Variants in PMS2 observed in about 807,000 individuals in gnomAD.
The protein encoded by PMS2 is mismatch repair endonuclease PMS2.
In PMS2, 69 loss-of-function variants were observed where a neutral mutation model predicts 90.0. That is an observed-to-expected ratio of 0.77 (90% CI 0.63 to 0.94). PMS2 has a LOEUF of 0.94. PMS2 is among the 40% of genes least tolerant of loss of function. The pLI is 0.00. For synonymous variants in PMS2, 332 were observed against 375.1 expected (o/e 0.89, Z 1.33); for missense variants, 966 against 1,040.2 (o/e 0.93, Z 0.98).
chr7:5,979,220 A>AAAC (rs1782067738), intron 12 of PMS2, among the ~76,000 whole-genome samples: 1 of 136,738 alleles, frequency 7.3e-6, no homozygotes, highest in South Asian at 2.4e-4. Context: ...AAAAAAAAAA[A>AAAC]AAACACCCAT....
At position 5,979,759 on chromosome 7, in the gene PMS2, G is replaced by C. The variant is rs945195965; in HGVS notation, c.2175-1063C>G. On this transcript the variant is annotated intron_variant, in intron 12 of 14. Transcript: ENST00000265849. The stretch of plus-strand genomic sequence containing the variant: ...TGCTCTCAAACTCCTGGGCTCAAGC[G>C]ATCCTTCCACTTCAGCCTCCCAAAG... Among the ~76,000 whole-genome samples the C allele has an allele frequency of 1.3e-3, 173 of 130,832 alleles. 7 individuals are homozygous for C. Among genetic ancestry groups the C allele is most frequent in the Middle Eastern group, 3.5e-3 (1 of 284 alleles). The allele number at this position is 130,832 out of a possible 152,430, so 85.8% of individuals were successfully genotyped here.
intron 8 of PMS2, among the ~76,000 whole-genome samples, chr7:5,992,915 A>G (rs1783927996): frequency 6.6e-6 from 1 of 152,248 alleles, no homozygotes; most frequent in Middle Eastern, 3.2e-3. Context: ...TATTCAATGT[A>G]CATAGAAAAG....
At position 5,989,821 on chromosome 7, in the gene PMS2, G is replaced by C. The variant is rs956005905; in HGVS notation, c.1123C>G (p.Gln375Glu). 1.2e-6 allele frequency: 2 copies of C among 1,612,906 alleles called. No homozygotes were observed. Among genetic ancestry groups the C allele is most frequent in the Non-Finnish European group, 1.7e-6 (2 of 1,179,122 alleles). ...SDVNKLNVSQ[Q>E]PLLDVEGNLI... is the part of the protein sequence containing the mutation. ...TTACCTTCAACATCCAGCAGTGGCTGCTGACTGACATTTAGCTTGTTGACA... is the reference window on the plus strand; with the variant it reads ...TTACCTTCAACATCCAGCAGTGGCTCCTGACTGACATTTAGCTTGTTGACA... The change falls in exon 10 of 15, where the codon CAG becomes GAG. Residue 375 changes from glutamine (Q) to glutamate (E), a missense_variant. Gln to Glu is a conservative substitution (Grantham distance 29). Around this residue, in one of 2 missense-constraint regions of PMS2, gnomAD observed 871 missense variants for 802.4 expected, o/e 1.09. Coordinates refer to ENST00000265849, the MANE Select transcript of PMS2 (RefSeq NM_000535.7).
Position 6,002,481 on chromosome 7 carries a change from T to A in PMS2, c.509A>T (p.His170Leu), listed in dbSNP as rs1583402418. Residue 170 changes from histidine to leucine, a missense_variant, in exon 5 of 15, where the codon CAT becomes CTT. Transcript: ENST00000265849. ...QQLFSTLPVR[H>L]KEFQRNIKKE... ...CTTAATATTCCTTTGAAATTCCTTA[T>A]GGCGCACAGGTAGTGTGGAAAATAA... 2.5e-6 allele frequency: 4 copies of A among 1,611,382 alleles called. No individual in the cohort carries two copies. The highest frequency in any genetic ancestry group is 3.4e-6 in the Non-Finnish European group (4 of 1,179,442).
intron 11 of PMS2, among the ~76,000 whole-genome samples, chr7:5,984,166 C>T (rs539134621): frequency 1.4e-4 from 22 of 151,894 alleles, no homozygotes; most frequent in Admixed American, 5.2e-4. Context: ...TACTTCTTGA[C>T]GGGAAATCTG....
rs577728335 is a variant in PMS2 at position 5,993,303 on chromosome 7, A to G, written c.904-1246T>C. Among the ~76,000 whole-genome samples the G allele has an allele frequency of 1.4e-5, 2 of 142,146 alleles. 1 individual carries two copies. Among genetic ancestry groups the G allele is most frequent in the African/African-American group, 5.1e-5 (2 of 39,020 alleles). 93.3% of individuals were successfully genotyped at this position (142,146 alleles called of 152,430 possible). A position where few individuals can be genotyped will look rare whatever the true frequency, so the allele number is the denominator to read the frequency against. On this transcript the variant is annotated intron_variant, in intron 8 of 14. Coordinates refer to ENST00000265849, the MANE Select transcript of PMS2 (RefSeq NM_000535.7). ...GGAGAATTGCTTGAACCTGGGAGGGAGAGCTTGCAGTGAGCCAAGATCACG... is the reference window on the plus strand; with the variant it reads ...GGAGAATTGCTTGAACCTGGGAGGGGGAGCTTGCAGTGAGCCAAGATCACG...
At chr7:6,000,351 G>A (rs1201838065) in intron 5 of PMS2, among the ~76,000 whole-genome samples, 1 of 147,432 alleles carries the variant, frequency 6.8e-6, no homozygotes, top group Non-Finnish European at 1.5e-5. Flanking sequence ...CCCAGCCTAG[G>A]TGAGAGAGCA....
At chr7:5,999,688 G>A (rs1438705639) in intron 5 of PMS2, among the ~76,000 whole-genome samples, 2 of 151,940 alleles carry the variant, frequency 1.3e-5, no homozygotes, top group African/African-American at 4.8e-5. Flanking sequence ...CACAGCTACT[G>A]AGGAGGCTGA....
chr7:5,991,502 T>C (rs542376601), intron 9 of PMS2, among the ~76,000 whole-genome samples: 1 of 151,538 alleles, frequency 6.6e-6, no homozygotes, highest in South Asian at 2.1e-4. Context: ...ACAATATAAT[T>C]AACATAGTCT....
At chr7:5,981,406 G>A (rs572961973) in intron 12 of PMS2, among the ~76,000 whole-genome samples, 1 of 149,514 alleles carries the variant, frequency 6.7e-6, no homozygotes, top group East Asian at 2.0e-4. Flanking sequence ...CATCAAGTCT[G>A]ACTAATTTTT....
rs749429568 is a variant in PMS2, at chr7:5,997,445, TCA to T, written c.706-24_706-23del. On this transcript the variant is annotated intron_variant, in intron 6 of 14. Coordinates refer to ENST00000265849, the MANE Select transcript of PMS2 (RefSeq NM_000535.7). ...GCAACTGAAAAAAAAAAAAAAAAAT[TCA>T]CAGTTACTTCCTAATAAAGACAGAG... The T allele has an allele frequency of 1.6e-5, 18 of 1,147,710 alleles. No homozygotes were observed. Among genetic ancestry groups the T allele is most frequent in the East Asian group, 2.4e-5 (1 of 41,990 alleles). 71.1% of individuals were successfully genotyped at this position (1,147,710 alleles called of 1,614,324 possible).
chr7:5,999,617 C>G (rs964338470), intron 5 of PMS2, among the ~76,000 whole-genome samples: 8 of 151,188 alleles, frequency 5.3e-5, no homozygotes, highest in Admixed American at 1.3e-4. Context: ...ACAGCAAGAC[C>G]CTGTCTCTAC....
chr7:6,006,258 C>T (rs1470916759), intron 1 of PMS2, among the ~76,000 whole-genome samples: 1 of 152,122 alleles, frequency 6.6e-6, no homozygotes, highest in Non-Finnish European at 1.5e-5. Flanking sequence ...TTCAACAGAT[C>T]CTTACTATCT....
chr7:5,978,039 G>T (rs1374546473), intron 13 of PMS2, among the ~76,000 whole-genome samples: 1 of 149,884 alleles, frequency 6.7e-6, no homozygotes, highest in Non-Finnish European at 1.5e-5. Context: ...AGAATGGTGT[G>T]AACCTGGGAG....
rs121434629 is a variant in PMS2 at position 6,005,918 on chromosome 7, C to A, written c.137G>T (p.Ser46Ile). The A allele has an allele frequency of 2.8e-4, 454 of 1,610,770 alleles. No individual in the cohort carries two copies. The highest frequency in any genetic ancestry group is 3.5e-4 in the Non-Finnish European group (416 of 1,179,868). The change falls in exon 2 of 15, where the codon AGT (serine) becomes ATT (isoleucine). Residue 46 changes from serine to isoleucine, a missense_variant. Coordinates refer to ENST00000265849, the MANE Select transcript of PMS2 (RefSeq NM_000535.7). ...STAVKELVEN[S>I]LDAGATNIDL... ...AATATTAGTGGCACCAGCATCCAGACTGTTTTCTACTAACTCCTTTACCGC... is the reference window on the plus strand; with the variant it reads ...AATATTAGTGGCACCAGCATCCAGAATGTTTTCTACTAACTCCTTTACCGC...
intron 4 of PMS2, chr7:6,003,262 C>G (rs1374431557): frequency 6.7e-6 from 1 of 148,788 alleles, no homozygotes; most frequent in African/African-American, 2.5e-5. Flanking sequence ...CCACTGCACT[C>G]CAGCCTGGGT....
At position 5,995,047 on chromosome 7, in the gene PMS2, TA is replaced by T. The variant is rs945958523; in HGVS notation, c.903+486del. Among the ~76,000 whole-genome samples the T allele has an allele frequency of 6.6e-5, 10 of 152,072 alleles. No homozygotes were observed. The South Asian group carries it at 8.3e-4, about 13-fold the overall frequency. On this transcript the variant is annotated intron_variant, in intron 8 of 14. Transcript: ENST00000265849. ...AAAGTAGTAGAAAAAAATATATATATATTTTTTTGAAACACAGTCTCGCTCT... is the reference window on the plus strand; with the variant it reads ...AAAGTAGTAGAAAAAAATATATATATTTTTTTTGAAACACAGTCTCGCTCT...
intron 9 of PMS2, among the ~76,000 whole-genome samples, chr7:5,990,626 T>C (rs891511211): frequency 2.6e-5 from 4 of 152,192 alleles, no homozygotes; most frequent in African/African-American, 9.6e-5. Flanking sequence ...GGTGTGTAAA[T>C]TGGTACATCT....
chr7:5,996,740 G>C (rs889364430), intron 7 of PMS2, among the ~76,000 whole-genome samples: 37 of 151,834 alleles, frequency 2.4e-4, no homozygotes, highest in African/African-American at 8.4e-4. Context: ...CATTTAAAAT[G>C]ATAAAATAAT....
Sources: allele counts gnomAD v4.1 joint callset (sites outside exome capture counted in the v4.1 genomes callset), GRCh38; gene constraint gnomAD v4.1.1; regional missense constraint gnomAD v4.1.1; transcripts MANE v1.5; gene names NCBI Gene and HGNC (gene_info 2026-07-23, HGNC 2026-07-21).